Variants in TBC1D32 observed in about 807,000 individuals in gnomAD.
TBC1D32 encodes protein broad-minded.
A neutral mutation model predicts 170.3 loss-of-function variants in TBC1D32; 151 were observed. The ratio of observed to expected loss-of-function variants is 0.89; its 90% CI spans 0.78 to 1.01. The LOEUF is 1.01. Ranked by LOEUF, TBC1D32 falls within the 50% of genes least tolerant of loss-of-function variation. The probability of loss-of-function intolerance (pLI) is 0.00; values close to 1 mark genes in which losing one functional copy is unlikely to be tolerated. For synonymous variants in TBC1D32, 498 were observed against 488.0 expected, an observed-to-expected ratio of 1.02 and a Z score of -0.27; for missense variants, 1,464 against 1,457.1, an observed-to-expected ratio of 1.00 and a Z score of -0.08.
At chr6:121,116,199 T>G (rs953006851) in intron 26 of TBC1D32, among the ~76,000 whole-genome samples, 2 of 151,958 alleles carry the variant, frequency 1.3e-5, no homozygotes, top group African/African-American at 4.8e-5. Context: ...CATTACACAT[T>G]GGTGTTTCTC....
intron 26 of TBC1D32, among the ~76,000 whole-genome samples, chr6:121,117,473 G>A (rs1241839724): frequency 6.6e-6 from 1 of 152,038 alleles, no homozygotes; most frequent in Non-Finnish European, 1.5e-5. Context: ...AGGCTGAGAG[G>A]GATGGATTAC....
chr6:121,104,680 C>A (rs1481141243), intron 30 of TBC1D32, among the ~76,000 whole-genome samples: 1 of 151,298 alleles, frequency 6.6e-6, no homozygotes, highest in Non-Finnish European at 1.5e-5. Context: ...AAAATTGAAA[C>A]AGATCTCAAA....
chr6:121,155,419 A>T (rs1784757077), intron 24 of TBC1D32, among the ~76,000 whole-genome samples: 1 of 152,070 alleles, frequency 6.6e-6, no homozygotes, highest in Non-Finnish European at 1.5e-5. Flanking sequence ...AGGGTTTTCT[A>T]TGTATAGAAT....
intron 8 of TBC1D32, 29 bp downstream of exon 8, chr6:121,304,335 TA>T (rs1806984860): frequency 6.2e-7 from 1 of 1,609,120 alleles, no homozygotes; most frequent in South Asian, 1.1e-5. Context: ...CGCTAGGTTT[TA>T]TGCTGGCATA....
At chr6:121,187,200 T>C (rs1175846170) in intron 22 of TBC1D32, among the ~76,000 whole-genome samples, 1 of 152,116 alleles carries the variant, frequency 6.6e-6, no homozygotes, top group Non-Finnish European at 1.5e-5. Flanking sequence ...TCAGGGGCAC[T>C]TAGTATCTCT....
At chr6:121,320,702 ATTAAT>A (rs1809588393) in intron 2 of TBC1D32, among the ~76,000 whole-genome samples, 1 of 152,182 alleles carries the variant, frequency 6.6e-6, no homozygotes, top group Non-Finnish European at 1.5e-5. Flanking sequence ...TTGCTAACAT[ATTAAT>A]TTAAATAATA....
intron 31 of TBC1D32, among the ~76,000 whole-genome samples, chr6:121,088,524 G>C (rs1776482323): frequency 6.6e-6 from 1 of 151,876 alleles, no homozygotes; most frequent in Non-Finnish European, 1.5e-5. Flanking sequence ...ACTATTTCAG[G>C]GCCAAATGGA....
intron 5 of TBC1D32, among the ~76,000 whole-genome samples, chr6:121,307,511 T>C (rs76743037): frequency 0.024 from 3,637 of 152,070 alleles, 157 homozygotes; most frequent in East Asian, 0.12. Flanking sequence ...TTAAGAAAAA[T>C]TTTGACAATT....
At chr6:121,261,289 T>A (rs953828306) in intron 15 of TBC1D32, among the ~76,000 whole-genome samples, 5 of 152,174 alleles carry the variant, frequency 3.3e-5, no homozygotes, top group Non-Finnish European at 1.5e-5. Context: ...GCAGTCAAAG[T>A]GGGTCCTGGT....
At chr6:121,084,975 G>A (rs1450052101) in intron 31 of TBC1D32, among the ~76,000 whole-genome samples, 1 of 151,794 alleles carries the variant, frequency 6.6e-6, no homozygotes, top group African/African-American at 2.4e-5. Context: ...GTTACTTTGA[G>A]TGGGTTAAAC....
At chr6:121,103,868 T>C (rs1778417728) in intron 30 of TBC1D32, among the ~76,000 whole-genome samples, 2 of 151,848 alleles carry the variant, frequency 1.3e-5, no homozygotes, top group African/African-American at 2.4e-5. Flanking sequence ...TTTAGAAGAA[T>C]AGAAAGAATT....
chr6:121,134,194 CT>C (rs1781762151), intron 24 of TBC1D32, among the ~76,000 whole-genome samples: 1 of 152,042 alleles, frequency 6.6e-6, no homozygotes, highest in South Asian at 2.1e-4. Flanking sequence ...TTGTTTCCTC[CT>C]GTTTTCTTCT....
At chr6:121,161,419 T>C (rs1029362939) in intron 22 of TBC1D32, among the ~76,000 whole-genome samples, 1 of 152,160 alleles carries the variant, frequency 6.6e-6, no homozygotes, top group African/African-American at 2.4e-5. Flanking sequence ...GTTCTCATCA[T>C]TCAGCTCCCA....
chr6:121,255,713 CAT>C (rs1798916264), intron 16 of TBC1D32, among the ~76,000 whole-genome samples: 1 of 151,992 alleles, frequency 6.6e-6, no homozygotes, highest in African/African-American at 2.4e-5. Context: ...CTGATATACA[CAT>C]ATATGGCTAT....
chr6:121,171,531 G>T (rs1280786423), intron 22 of TBC1D32, among the ~76,000 whole-genome samples: 5 of 151,892 alleles, frequency 3.3e-5, no homozygotes, highest in Admixed American at 3.3e-4. Context: ...TTACTTATTA[G>T]AGATATGCAC....
chr6:121,220,767 T>C (rs1182173883), intron 21 of TBC1D32, among the ~76,000 whole-genome samples: 2 of 150,232 alleles, frequency 1.3e-5, no homozygotes, highest in Non-Finnish European at 3.0e-5. Context: ...CATCCTCCCA[T>C]GTAGCTGGGA....
chr6:121,302,126 C>G (rs981239168), intron 9 of TBC1D32, among the ~76,000 whole-genome samples: 1 of 152,110 alleles, frequency 6.6e-6, no homozygotes, highest in Admixed American at 6.6e-5. Context: ...AAGAAATCCT[C>G]ATAGTATATC....
chr6:121,241,423 T>C (rs761308533), intron 19 of TBC1D32, 42 bp downstream of exon 19: 59 of 1,526,178 alleles, frequency 3.9e-5, no homozygotes, highest in Non-Finnish European at 5.2e-5. Context: ...GCTCATTTTA[T>C]CTTTAAAATA....
At chr6:121,297,713 C>G (rs1805872931) in intron 10 of TBC1D32, among the ~76,000 whole-genome samples, 1 of 151,974 alleles carries the variant, frequency 6.6e-6, no homozygotes, top group Admixed American at 6.6e-5. Flanking sequence ...AATAGAACCA[C>G]ACAAATACAG....
Sources: allele counts gnomAD v4.1 joint callset (sites outside exome capture counted in the v4.1 genomes callset), GRCh38; gene constraint gnomAD v4.1.1; transcripts MANE v1.5; gene names NCBI Gene and HGNC (gene_info 2026-07-23, HGNC 2026-07-21).